The following ITGAV variants were observed in gnomAD, a reference collection of about 807,000 sequenced individuals.
ITGAV encodes the protein integrin subunit alpha V.
In ITGAV, 76 loss-of-function variants were observed where a neutral mutation model predicts 143.8. The observed-to-expected ratio is 0.53, with a 90% CI of 0.44 to 0.64. ITGAV has a LOEUF of 0.64. ITGAV is among the 30% of genes least tolerant of loss of function. The pLI, the probability that ITGAV is intolerant of heterozygous loss-of-function variation, is 0.00. For synonymous variants in ITGAV, 453 were observed against 446.7 expected (o/e 1.01, Z -0.18); for missense variants, 1,193 against 1,274.7 (o/e 0.94, Z 0.98).
intron 4 of ITGAV, among the ~76,000 whole-genome samples, chr2:186,629,450 G>A (rs1221712587): frequency 6.6e-6 from 1 of 151,930 alleles, no homozygotes; most frequent in Non-Finnish European, 1.5e-5. Context: ...CTTGAGGTTA[G>A]AGCAGAATTC....
Position 186,662,017 on chromosome 2 carries a change from T to C in ITGAV, c.1858-1751T>C, listed in dbSNP as rs1231810847. On this transcript the variant is annotated intron_variant, in intron 18 of 29. Transcript: ENST00000261023. ...TGAAACTATCTTTCCTGACAGCATA[T>C]TTTAATACTATGGCTGCTTCAATGC... Among the ~76,000 whole-genome samples the C allele has an allele frequency of 3.9e-5, 6 of 152,330 alleles. No homozygotes were observed. The East Asian group carries it at 1.2e-3, about 29-fold the overall frequency.
At chr2:186,611,751 G>A (rs1448868745) in intron 2 of ITGAV, among the ~76,000 whole-genome samples, 1 of 152,072 alleles carries the variant, frequency 6.6e-6, no homozygotes, top group African/African-American at 2.4e-5. Flanking sequence ...ACCTCTCAGG[G>A]TTGCCATGTA....
chr2:186,633,748 C>T (rs2105701323), intron 6 of ITGAV, among the ~76,000 whole-genome samples: 1 of 152,072 alleles, frequency 6.6e-6, no homozygotes, highest in South Asian at 2.1e-4. Context: ...CTGTATAGGC[C>T]AACTGTGGCA....
At chr2:186,598,398 T>A (rs1279240882) in intron 1 of ITGAV, among the ~76,000 whole-genome samples, 1 of 151,196 alleles carries the variant, frequency 6.6e-6, no homozygotes, top group East Asian at 1.9e-4. Flanking sequence ...CGAGCTGCTC[T>A]CTTAGTTATG....
chr2:186,643,948 A>C (rs1481834415), intron 12 of ITGAV, among the ~76,000 whole-genome samples: 1 of 152,104 alleles, frequency 6.6e-6, no homozygotes, highest in Non-Finnish European at 1.5e-5. Flanking sequence ...TGAATACTTT[A>C]TTTATTATTT....
chr2:186,665,562 A>G (rs1688873973), intron 21 of ITGAV, among the ~76,000 whole-genome samples: 1 of 152,184 alleles, frequency 6.6e-6, no homozygotes, highest in African/African-American at 2.4e-5. Flanking sequence ...AACTACCAAG[A>G]CTGTCAATCC....
intron 2 of ITGAV, among the ~76,000 whole-genome samples, chr2:186,604,120 C>A (rs373773591): frequency 6.6e-6 from 1 of 152,016 alleles, no homozygotes; most frequent in Admixed American, 6.6e-5. Context: ...AGTCTGCCCC[C>A]CTCAGTCTCC....
At chr2:186,607,768 T>G (rs1446312023) in intron 2 of ITGAV, among the ~76,000 whole-genome samples, 1 of 152,214 alleles carries the variant, frequency 6.6e-6, no homozygotes, top group Non-Finnish European at 1.5e-5. Flanking sequence ...GGTCTTCCTT[T>G]AAGTTTCTAG....
At position 186,675,914 on chromosome 2, in the gene ITGAV, C is replaced by A. The variant is rs1373702457; in HGVS notation, c.2915C>A (p.Thr972Asn). 1.3e-6 allele frequency: 2 copies of A among 1,557,450 alleles called. No homozygotes were observed. Among genetic ancestry groups the A allele is most frequent in the Non-Finnish European group, 1.8e-6 (2 of 1,129,116 alleles). Residue 972 changes from threonine to asparagine, a missense_variant, in exon 28 of 30, where the codon ACC (threonine) becomes AAC (asparagine). Coordinates refer to ENST00000261023, the MANE Select transcript of ITGAV (RefSeq NM_002210.5). ...PYKNLPIEDI[T>N]NSTLVTTNVT... ...AAGAATCTTCCAATTGAGGATATCA[C>A]CAACTCCACATTGGTAAGTCATTGG... is the stretch of plus-strand genomic sequence containing the variant.
intron 2 of ITGAV, among the ~76,000 whole-genome samples, chr2:186,614,780 T>TTATA (rs1020855727): frequency 1.5e-4 from 23 of 151,964 alleles, no homozygotes; most frequent in African/African-American, 5.5e-4. Flanking sequence ...AAGTCATTTT[T>TTATA]TATATATATA....
At chr2:186,610,600 T>A (rs1278862190) in intron 2 of ITGAV, among the ~76,000 whole-genome samples, 3 of 152,232 alleles carry the variant, frequency 2.0e-5, no homozygotes. Context: ...CTTCATAATT[T>A]ATAGATTTTA....
chr2:186,664,728 A>G, intron 20 of ITGAV, 87 bp downstream of exon 20: 4 of 1,509,806 alleles, frequency 2.6e-6, no homozygotes, highest in Non-Finnish European at 3.7e-6. Flanking sequence ...GTGAAGCACA[A>G]GCTTAGCTAT....
At chr2:186,668,467 G>A (rs1003413866) in intron 24 of ITGAV, 4 of 299,708 alleles carry the variant, frequency 1.3e-5, no homozygotes, top group African/African-American at 9.3e-5. Context: ...ATGAACTCCT[G>A]ACCTCAAGAG....
At chr2:186,597,594 C>T (rs1239784192) in intron 1 of ITGAV, among the ~76,000 whole-genome samples, 1 of 152,024 alleles carries the variant, frequency 6.6e-6, no homozygotes, top group Non-Finnish European at 1.5e-5. Context: ...TAGTTTTGAC[C>T]AAAAAGTTAT....
At chr2:186,625,738 C>T (rs999510548) in intron 4 of ITGAV, 151 bp downstream of exon 4, 8 of 460,766 alleles carry the variant, frequency 1.7e-5, no homozygotes, top group Admixed American at 7.9e-5. Context: ...TGAAAACAAT[C>T]CTACTAATGT....
At chr2:186,650,568 ACTT>A (rs1297405229) in intron 14 of ITGAV, among the ~76,000 whole-genome samples, 2 of 150,646 alleles carry the variant, frequency 1.3e-5, no homozygotes, top group African/African-American at 4.9e-5. Context: ...GAACACTAGA[ACTT>A]CTTTTTTTTT....
rs1006137094 is a variant in ITGAV at position 186,650,671 on chromosome 2, G to A, written c.1397+786G>A. Among the ~76,000 whole-genome samples, 4 of 150,842 alleles carry A rather than the reference G, an allele frequency of 2.7e-5. No homozygotes were observed. The South Asian group carries it at 8.4e-4, about 32-fold the overall frequency. ...AGTGATTCTCGTGCCTCAGCCTCCC[G>A]AGTAGCTGGGACTACAGGCATGTGC... On this transcript the variant is annotated intron_variant, in intron 14 of 29. Coordinates refer to ENST00000261023, the MANE Select transcript of ITGAV (RefSeq NM_002210.5).
intron 26 of ITGAV, among the ~76,000 whole-genome samples, chr2:186,670,870 T>A (rs891819927): frequency 5.9e-5 from 9 of 152,210 alleles, no homozygotes; most frequent in Non-Finnish European, 1.0e-4. Context: ...CAATTCTAAA[T>A]ATATACCCTT....
At chr2:186,652,181 T>C (rs377760609) in intron 15 of ITGAV, 92 bp downstream of exon 15, 157 of 762,288 alleles carry the variant, frequency 2.1e-4, no homozygotes, top group African/African-American at 1.7e-3. Context: ...GGCTGAAATA[T>C]TGCTAAAACA....
Sources: gnomAD v4.1 joint callset for allele counts (sites outside exome capture counted in the v4.1 genomes callset) on GRCh38, gnomAD v4.1.1 for gene constraint, MANE v1.5 for transcripts, NCBI Gene and HGNC (gene_info 2026-07-23, HGNC 2026-07-21) for gene names.